The following ATP8A1 variants were observed in gnomAD, a reference collection of about 807,000 sequenced individuals.
The protein encoded by ATP8A1 is ATPase phospholipid transporting 8A1.
In ATP8A1, 90 loss-of-function variants were observed where a neutral mutation model predicts 177.7. The observed-to-expected ratio is 0.51, with a 90% CI of 0.43 to 0.60. The LOEUF is 0.60. Among genes scored for constraint, ATP8A1 ranks in the 20% least tolerant of loss-of-function variants. The pLI is 0.00. For missense variants in ATP8A1, 1,072 were observed against 1,392.8 expected (o/e 0.77, Z 3.67); for synonymous variants, 493 against 485.9 (o/e 1.01, Z -0.19).
intron 5 of ATP8A1, among the ~76,000 whole-genome samples, chr4:42,602,980 G>T (rs915069987): frequency 6.6e-6 from 1 of 151,976 alleles, no homozygotes; most frequent in Non-Finnish European, 1.5e-5. Context: ...GGTCAATAGT[G>T]TCTAGAGCTC....
At chr4:42,570,982 T>C (rs771553137) in intron 14 of ATP8A1, among the ~76,000 whole-genome samples, 6 of 152,234 alleles carry the variant, frequency 3.9e-5, no homozygotes, top group Non-Finnish European at 8.8e-5. Flanking sequence ...CTATACACTT[T>C]AGGCAGGAGG....
chr4:42,418,445 T>C (rs1713495850), intron 35 of ATP8A1, among the ~76,000 whole-genome samples: 1 of 152,242 alleles, frequency 6.6e-6, no homozygotes, highest in Non-Finnish European at 1.5e-5. Context: ...ACAGTGTCCA[T>C]CATTTCTTAC....
Position 42,574,640 on chromosome 4 carries a change from G to A in ATP8A1, c.1274C>T (p.Thr425Ile), listed in dbSNP as rs772090924. The change falls in exon 14 of 37, where the codon ACC (threonine) becomes ATC (isoleucine). Residue 425 changes from threonine (T) to isoleucine (I), a missense_variant. By Grantham distance (89) the Thr-to-Ile change is moderately conservative. Around this residue, in one of 5 missense-constraint regions of ATP8A1, gnomAD observed 388 missense variants for 471.7 expected, o/e 0.82. Coordinates refer to ENST00000381668, the MANE Select transcript of ATP8A1 (RefSeq NM_006095.2). ...TCACCCATAAGCAACTCCCGCTATG[G>A]TGCACTTCTTAAACTGCATTACATT... ...TCNVMQFKKC[T>I]IAGVAYGHVP... is the part of the protein sequence containing the mutation. The A allele has an allele frequency of 6.2e-7, 1 of 1,610,202 alleles. No individual in the cohort carries two copies. The highest frequency in any genetic ancestry group is 8.5e-7 in the Non-Finnish European group (1 of 1,178,816).
Position 42,625,641 on chromosome 4 carries a change from T to C in ATP8A1, c.237A>G (p.Ser79=). The C allele has an allele frequency of 6.2e-7, 1 of 1,606,678 alleles. No homozygotes were observed. ...GCAGCAGTGCAATAAAGAGAAAAAA[T>C]GAATTAGCAGCTCTTCTGAACTGAG... ...LYSQFRRAAN[S]FFLFIALLQQ... The change falls in exon 3 of 37, where the codon TCA becomes TCG. Residue 79 remains serine (S), a synonymous_variant. Transcript: ENST00000381668.
intron 33 of ATP8A1, among the ~76,000 whole-genome samples, chr4:42,432,017 T>G (rs78265416): frequency 6.9e-4 from 105 of 152,364 alleles, no homozygotes; most frequent in Non-Finnish European, 1.2e-3. Flanking sequence ...GTGCTTTGTC[T>G]ATGCTCTATT....
chr4:42,419,997 C>T (rs1235972402), intron 35 of ATP8A1, among the ~76,000 whole-genome samples: 5 of 132,736 alleles, frequency 3.8e-5, no homozygotes, highest in African/African-American at 1.1e-4. Flanking sequence ...TGCAAGACTC[C>T]GTCTCAAAAA....
chr4:42,484,058 C>T (rs1280096015), intron 25 of ATP8A1, among the ~76,000 whole-genome samples: 1 of 152,098 alleles, frequency 6.6e-6, no homozygotes, highest in Non-Finnish European at 1.5e-5. Context: ...CCTTATGATC[C>T]CATTAGTTAA....
chr4:42,446,585 T>C lies in ATP8A1; in HGVS notation c.2956A>G (p.Thr986Ala), dbSNP rs778049118. The change falls in exon 31 of 37, where the codon ACT becomes GCT. Residue 986 changes from threonine to alanine, a missense_variant and splice_region_variant. By Grantham distance (58) the Thr-to-Ala change is moderately conservative. Coordinates refer to ENST00000381668, the MANE Select transcript of ATP8A1 (RefSeq NM_006095.2). ...DYLLLGNFVY[T>A]FVVITVCLKA... ...CGAGACCGACATCCCGCACTCACAG[T>C]GTACACAAAGTTTCCCAGTAGCAGA... 7 of 1,613,618 alleles carry C rather than the reference T, an allele frequency of 4.3e-6. No individual in the cohort carries two copies. The Admixed American group carries it at 5.0e-5, about 12-fold the overall frequency.
chr4:42,524,493 A>C (rs1219368761), intron 21 of ATP8A1, among the ~76,000 whole-genome samples: 1 of 151,874 alleles, frequency 6.6e-6, no homozygotes, highest in Non-Finnish European at 1.5e-5. Flanking sequence ...TCTAAATGGT[A>C]AATATGATCC....
At chr4:42,562,714 T>C (rs1022388168) in intron 15 of ATP8A1, among the ~76,000 whole-genome samples, 5 of 152,156 alleles carry the variant, frequency 3.3e-5, no homozygotes, top group African/African-American at 1.2e-4. Context: ...AATTGAACCA[T>C]GGGGGCAGGT....
At chr4:42,532,053 GATC>G (rs1169828931) in intron 20 of ATP8A1, among the ~76,000 whole-genome samples, 1 of 152,094 alleles carries the variant, frequency 6.6e-6, no homozygotes, top group East Asian at 1.9e-4. Context: ...AGTGAGCCAT[GATC>G]ATACCACTGC....
At chr4:42,465,611 A>G (rs138070453) in intron 25 of ATP8A1, among the ~76,000 whole-genome samples, 181 of 152,372 alleles carry the variant, frequency 1.2e-3, no homozygotes, top group African/African-American at 4.1e-3. Flanking sequence ...AGGGTCAAGT[A>G]AAAATCAAGC....
chr4:42,465,161 A>G (rs1461436542), intron 25 of ATP8A1, 85 bp from the exon 26 acceptor site: 1 of 1,213,578 alleles, frequency 8.2e-7, no homozygotes, highest in Admixed American at 2.3e-5. Context: ...AAAGATGCAA[A>G]AGACCTAAAT....
chr4:42,548,257 C>T (rs1729125049), intron 19 of ATP8A1, among the ~76,000 whole-genome samples: 1 of 152,108 alleles, frequency 6.6e-6, no homozygotes, highest in Non-Finnish European at 1.5e-5. Flanking sequence ...AATTAGAATG[C>T]CGGCTTCCTG....
chr4:42,509,934 T>C (rs1318955922), intron 22 of ATP8A1, among the ~76,000 whole-genome samples: 1 of 151,972 alleles, frequency 6.6e-6, no homozygotes, highest in Non-Finnish European at 1.5e-5. Flanking sequence ...TCTGCTGTTC[T>C]CCTACAGAAT....
intron 24 of ATP8A1, among the ~76,000 whole-genome samples, chr4:42,501,638 T>C (rs958318373): frequency 4.6e-5 from 7 of 152,250 alleles, no homozygotes; most frequent in African/African-American, 1.7e-4. Context: ...ATGCGTTCCA[T>C]TTCCATATCA....
intron 1 of ATP8A1, among the ~76,000 whole-genome samples, chr4:42,656,006 A>G (rs959093135): frequency 6.6e-6 from 1 of 152,206 alleles, no homozygotes; most frequent in Non-Finnish European, 1.5e-5. Context: ...CTTTGACGCG[A>G]GCAAAATCAA....
rs1717524401 is a variant in ATP8A1, at chr4:42,448,396, C to CTTTTATTTTTT, written c.2897-1753_2897-1752insAAAAAATAAAA. 7.1e-5 allele frequency among the ~76,000 whole-genome samples: 6 copies of CTTTTATTTTTT among 84,166 alleles called. 1 individual carries two copies. The East Asian group carries it at 2.4e-3, about 33-fold the overall frequency. The allele number at this position is 84,166 out of a possible 152,430, so 55.2% of individuals were successfully genotyped here. A position where few individuals can be genotyped will look rare whatever the true frequency, so the allele number is the denominator to read the frequency against. On this transcript the variant is annotated intron_variant, in intron 30 of 36. Transcript: ENST00000381668. ...GTAGCCTCCCTCCCTCCTTCTCTTT[C>CTTTTATTTTTT]TTTTCTTTTTTTTTTTTTTGAGATG...
intron 35 of ATP8A1, among the ~76,000 whole-genome samples, chr4:42,416,301 C>A (rs1457329193): frequency 1.3e-5 from 2 of 152,112 alleles, no homozygotes; most frequent in African/African-American, 4.8e-5. Context: ...ACCGAAATGA[C>A]TACGGGAGAC....
Sources: gnomAD v4.1 joint callset for allele counts (sites outside exome capture counted in the v4.1 genomes callset) on GRCh38, gnomAD v4.1.1 for gene constraint, gnomAD v4.1.1 regional missense constraint, MANE v1.5 for transcripts, NCBI Gene and HGNC (gene_info 2026-07-23, HGNC 2026-07-21) for gene names.